Variants in PLEKHA8 observed in about 807,000 individuals in gnomAD.
The protein encoded by PLEKHA8 is pleckstrin homology domain-containing family A member 8.
In PLEKHA8, 36 loss-of-function variants were observed where a neutral mutation model predicts 68.2. The ratio of observed to expected loss-of-function variants is 0.53; its 90% CI spans 0.40 to 0.70. PLEKHA8 has a LOEUF of 0.70. Among genes scored for constraint, PLEKHA8 ranks in the 30% least tolerant of loss-of-function variants. The probability of loss-of-function intolerance (pLI) is 0.00; values close to 1 mark genes in which losing one functional copy is unlikely to be tolerated. For missense variants in PLEKHA8, 505 were observed against 615.4 expected, an observed-to-expected ratio of 0.82 and a Z score of 1.90; for synonymous variants, 211 against 216.1, an observed-to-expected ratio of 0.98 and a Z score of 0.20.
chr7:30,046,446 C>A, intron 3 of PLEKHA8, 81 bp downstream of exon 3: 2 of 1,455,662 alleles, frequency 1.4e-6, no homozygotes, highest in Admixed American at 2.5e-5. Context: ...TGTTATCTTG[C>A]TTCTGACCAC....
In PLEKHA8 at chr7:30,066,091, G is replaced by C. The variant is rs145065051; in HGVS notation, c.1300+3349G>C. Among the ~76,000 whole-genome samples the C allele has an allele frequency of 2.6e-3, 394 of 152,314 alleles. 3 individuals carry two copies. The highest frequency in any genetic ancestry group is 0.01 in the Middle Eastern group (3 of 294). On this transcript the variant is annotated intron_variant, in intron 12 of 13. Coordinates refer to ENST00000449726, the MANE Select transcript of PLEKHA8 (RefSeq NM_001197026.2). ...CTTGTCTACATCTTGATAATTTTGT[G>C]ATTTTGACTGCATCTAAGAGATTTT...
chr7:30,028,768 G>A lies in PLEKHA8; in HGVS notation c.6G>A (p.Glu2=). The part of the protein sequence containing the change: M[E]GVLYKWTNYL... Reference sequence around the variant, plus strand: ...GCCGAGTGGCCGCGGGCGCCATGGAGGGGGTGCTGTACAAGTGGACCAACT... The same window carrying A: ...GCCGAGTGGCCGCGGGCGCCATGGAAGGGGTGCTGTACAAGTGGACCAACT... The change falls in exon 1 of 14, where the codon GAG becomes GAA. Residue 2 remains glutamate, a synonymous_variant. Coordinates refer to ENST00000449726, the MANE Select transcript of PLEKHA8 (RefSeq NM_001197026.2). 2.4e-6 allele frequency: 3 copies of A among 1,270,772 alleles called. No individual in the cohort carries two copies. The highest frequency in any genetic ancestry group is 3.0e-5 in the East Asian group (1 of 32,906). 78.7% of individuals were successfully genotyped at this position (1,270,772 alleles called of 1,614,324 possible).
chr7:30,078,771 C>T lies in PLEKHA8; in HGVS notation c.1544C>T (p.Ser515Phe). ...TTATATGAGGTCCACGGGCTGGAAT[C>T]TGATGAGGTGGTATGATGGCTGCTG... ...DTLYEVHGLE[S>F]DEVV is the part of the protein sequence containing the mutation. Residue 515 changes from serine to phenylalanine, a missense_variant, in exon 14 of 14, where the codon TCT becomes TTT. Ser to Phe is a radical substitution (Grantham distance 155). Coordinates refer to ENST00000449726, the MANE Select transcript of PLEKHA8 (RefSeq NM_001197026.2). 1.2e-6 allele frequency: 2 copies of T among 1,613,514 alleles called. No homozygotes were observed. The highest frequency in any genetic ancestry group is 8.5e-7 in the Non-Finnish European group (1 of 1,179,650).
At position 30,113,877 on chromosome 7, in the gene PLEKHA8, A is replaced by G. The variant is rs1249290168; in HGVS notation, c.1363-15389A>G. 3.3e-5 allele frequency among the ~76,000 whole-genome samples: 5 copies of G among 151,078 alleles called. No homozygotes were observed. In the East Asian group the frequency reaches 9.7e-4, roughly 29 times the overall value. ...GCTAGTTCTCATTTCTACACATTCT[A>G]ATTTGTTTCTGTTCAAAATATTACT... is the stretch of plus-strand genomic sequence containing the variant. On this transcript the variant is annotated intron_variant, in intron 13 of 13. Transcript: ENST00000396257.
intron 12 of PLEKHA8, among the ~76,000 whole-genome samples, chr7:30,065,889 T>C (rs1793814991): frequency 6.6e-6 from 1 of 152,206 alleles, no homozygotes; most frequent in Non-Finnish European, 1.5e-5. Flanking sequence ...AGCATCTTTA[T>C]CACCTGAAAA....
At position 30,052,748 on chromosome 7, in the gene PLEKHA8, T is replaced by C; in HGVS notation, c.678T>C (p.Asn226=). 3 of 1,560,164 alleles carry C rather than the reference T, an allele frequency of 1.9e-6. No homozygotes were observed. Among genetic ancestry groups the C allele is most frequent in the Non-Finnish European group, 2.6e-6 (3 of 1,162,240 alleles). The part of the protein sequence containing the change: ...ELSTCENGSL[N]MEINGEEEIL... The stretch of plus-strand genomic sequence containing the variant: ...GCACTTGTGAAAATGGATCTTTAAA[T>C]ATGGAAATAAATGGTGAGGAAGAAA... The change falls in exon 7 of 14, where the codon AAT becomes AAC. Residue 226 remains asparagine (N), a synonymous_variant. Coordinates refer to ENST00000449726, the MANE Select transcript of PLEKHA8 (RefSeq NM_001197026.2).
rs551819042 is a variant in PLEKHA8 at position 30,115,935 on chromosome 7, T to C, written c.1363-13331T>C. 68 of 110,878 alleles carry C rather than the reference T, an allele frequency of 6.1e-4. 3 individuals are homozygous for C. Among genetic ancestry groups the C allele is most frequent in the African/African-American group, 2.1e-3 (60 of 28,572 alleles). The allele number at this position is 110,878 out of a possible 1,614,324, so 6.9% of individuals were successfully genotyped here. Reference sequence around the variant, plus strand: ...GCATGCGTGCGTGTACATACATGTATACATGCACACATACGCATACATGCA... The same window carrying C: ...GCATGCGTGCGTGTACATACATGTACACATGCACACATACGCATACATGCA... On this transcript the variant is annotated intron_variant, in intron 13 of 13. Transcript: ENST00000396257.
intron 6 of PLEKHA8, among the ~76,000 whole-genome samples, chr7:30,051,010 T>C (rs1792363101): frequency 6.6e-6 from 1 of 152,152 alleles, no homozygotes; most frequent in Admixed American, 6.5e-5. Flanking sequence ...AGCAATCCTC[T>C]TACCTCAGCG....
chr7:30,061,053 T>A, intron 10 of PLEKHA8, 111 bp downstream of exon 10: 1 of 919,814 alleles, frequency 1.1e-6, no homozygotes. Context: ...TCACTGTTCT[T>A]TTAAGAGAGC....
At chr7:30,078,455 G>T in intron 13 of PLEKHA8, 135 bp from the exon 14 acceptor site, 1 of 892,196 alleles carries the variant, frequency 1.1e-6, no homozygotes, top group Non-Finnish European at 1.7e-6. Flanking sequence ...TAGAAGGGTA[G>T]TCATATTTCT....
chr7:30,111,967 G>A (rs1055581898), intron 13 of PLEKHA8, among the ~76,000 whole-genome samples: 1 of 152,134 alleles, frequency 6.6e-6, no homozygotes, highest in Non-Finnish European at 1.5e-5. Flanking sequence ...GATCTAGAAA[G>A]ACTAAAAACA....
At chr7:30,100,377 C>A (rs1278631142) in intron 13 of PLEKHA8, among the ~76,000 whole-genome samples, 5 of 151,972 alleles carry the variant, frequency 3.3e-5, no homozygotes, top group African/African-American at 7.3e-5. Flanking sequence ...ATGGTGAAAC[C>A]CTGTCTCTAC....
intron 9 of PLEKHA8, among the ~76,000 whole-genome samples, chr7:30,056,310 C>CTATATATATATATA (rs1162112994): frequency 1.5e-4 from 11 of 72,184 alleles, no homozygotes; most frequent in Admixed American, 1.4e-3. Flanking sequence ...CTCTCTCTCT[C>CTATATATATATATA]TCTATATATA....
At chr7:30,122,386 A>G (rs1026721058) in intron 13 of PLEKHA8, among the ~76,000 whole-genome samples, 5 of 152,170 alleles carry the variant, frequency 3.3e-5, no homozygotes, top group African/African-American at 9.7e-5. Context: ...TCAGCTTCCT[A>G]TATTCTATGA....
intron 12 of PLEKHA8, among the ~76,000 whole-genome samples, chr7:30,064,406 G>C (rs1793669865): frequency 6.6e-6 from 1 of 152,110 alleles, no homozygotes; most frequent in African/African-American, 2.4e-5. Context: ...AGCTGAGTAT[G>C]GTGTTGCGTG....
intron 13 of PLEKHA8, among the ~76,000 whole-genome samples, chr7:30,101,339 G>T (rs142715053): frequency 6.6e-6 from 1 of 152,134 alleles, no homozygotes; most frequent in South Asian, 2.1e-4. Context: ...ACCATAGACC[G>T]GGTAGCTTAT....
At chr7:30,098,796 C>T (rs1000290226) in intron 13 of PLEKHA8, among the ~76,000 whole-genome samples, 2 of 152,236 alleles carry the variant, frequency 1.3e-5, no homozygotes, top group Non-Finnish European at 2.9e-5. Context: ...TGCGATGTTG[C>T]GCCCTGCTTT....
At chr7:30,074,332 C>T (rs1057036745) in intron 13 of PLEKHA8, among the ~76,000 whole-genome samples, 200 bp downstream of exon 13, 4 of 151,420 alleles carry the variant, frequency 2.6e-5, no homozygotes, top group Non-Finnish European at 4.4e-5. Context: ...TTATTTATTT[C>T]ATTTACGTTT....
rs1795005273 is a variant in PLEKHA8, at chr7:30,082,776, T to G, written c.*3989T>G. Reference sequence around the variant, plus strand: ...TTTTTTTAAGGAAACTTAATCTGATTGTGAAAATCATACATATGGAGAAAC... The same window carrying G: ...TTTTTTTAAGGAAACTTAATCTGATGGTGAAAATCATACATATGGAGAAAC... On this transcript the variant is annotated 3_prime_UTR_variant, in exon 14 of 14. Coordinates refer to ENST00000449726, the MANE Select transcript of PLEKHA8 (RefSeq NM_001197026.2). The G allele has an allele frequency of 1.0e-6, 1 of 985,086 alleles. No individual in the cohort carries two copies. Among genetic ancestry groups the G allele is most frequent in the Non-Finnish European group, 1.2e-6 (1 of 829,800 alleles). The allele number at this position is 985,086 out of a possible 1,614,324, so 61.0% of individuals were successfully genotyped here. A position where few individuals can be genotyped will look rare whatever the true frequency, so the allele number is the denominator to read the frequency against.
Sources: allele counts gnomAD v4.1 joint callset (sites outside exome capture counted in the v4.1 genomes callset), GRCh38; gene constraint gnomAD v4.1.1; transcripts MANE v1.5; gene names NCBI Gene and HGNC (gene_info 2026-07-23, HGNC 2026-07-21).